Variants in ESS2 observed in about 807,000 individuals in gnomAD.
The protein encoded by ESS2 is splicing factor ESS-2 homolog.
In ESS2, 31 loss-of-function variants were observed where a neutral mutation model predicts 52.0. The ratio of observed to expected loss-of-function variants is 0.60; its 90% CI spans 0.45 to 0.81. The LOEUF is 0.81. Among genes scored for constraint, ESS2 ranks in the 30% least tolerant of loss-of-function variants. The pLI, the probability that ESS2 is intolerant of heterozygous loss-of-function variation, is 0.00. For synonymous variants in ESS2, 285 were observed against 259.2 expected, an observed-to-expected ratio of 1.10 and a Z score of -0.95; for missense variants, 602 against 637.2, an observed-to-expected ratio of 0.94 and a Z score of 0.59.
intron 9 of ESS2, among the ~76,000 whole-genome samples, chr22:19,134,687 GCCC>G (rs2083550842): frequency 6.6e-6 from 1 of 152,068 alleles, no homozygotes; most frequent in Admixed American, 6.5e-5. Flanking sequence ...CAGCAGCACC[GCCC>G]TTGGCTGTGG....
intron 7 of ESS2, 183 bp from the exon 8 acceptor site, chr22:19,137,615 T>C: frequency 1.6e-6 from 1 of 644,414 alleles, no homozygotes; most frequent in East Asian, 1.4e-4. Context: ...AATGCCAAGC[T>C]CCCAGCAGGC....
intron 3 of ESS2, among the ~76,000 whole-genome samples, chr22:19,140,836 G>A (rs1229681235): frequency 2.0e-5 from 3 of 152,246 alleles, no homozygotes; most frequent in African/African-American, 7.2e-5. Flanking sequence ...AGAGAGATAA[G>A]AAGTGAAACC....
Position 19,131,995 on chromosome 22 carries a change from T to A in ESS2, c.*2201A>T. On this transcript the variant is annotated 3_prime_UTR_variant, in exon 10 of 10. Coordinates refer to ENST00000252137, the MANE Select transcript of ESS2 (RefSeq NM_022719.3). The surrounding 1 kb of genome is among the most constrained non-coding windows in gnomAD (Gnocchi z 5.7). ...CCCTACCAGCCCAAGGTGTATGACA[T>A]CTGGAGCCTGGGCGTGATCCTGTAC... is the stretch of plus-strand genomic sequence containing the variant. The A allele has an allele frequency of 6.2e-7, 1 of 1,614,124 alleles. No homozygotes were observed. The highest frequency in any genetic ancestry group is 1.1e-5 in the South Asian group (1 of 91,084).
rs2083503432 is a variant in ESS2, at chr22:19,131,296, G to A, written c.*2900C>T. The A allele has an allele frequency of 9.7e-7, 1 of 1,025,974 alleles. No individual in the cohort carries two copies. Among genetic ancestry groups the A allele is most frequent in the South Asian group, 1.6e-5 (1 of 63,108 alleles). The allele number at this position is 1,025,974 out of a possible 1,614,324, so 63.6% of individuals were successfully genotyped here. The stretch of plus-strand genomic sequence containing the variant: ...ACCCCTGAGTCGAAGCCCAGCCCAG[G>A]GCAGCCCAGCCAGACGCCTCCGGTA... On this transcript the variant is annotated 3_prime_UTR_variant, in exon 10 of 10. Coordinates refer to ENST00000252137, the MANE Select transcript of ESS2 (RefSeq NM_022719.3). This position sits in a 1 kb window ranked among gnomAD's most constrained non-coding sequence, Gnocchi z 5.7.
Position 19,134,252 on chromosome 22 carries a change from T to A in ESS2, c.1375A>T (p.Ile459Phe), listed in dbSNP as rs1402865145. 1 of 1,558,242 alleles carries A rather than the reference T, an allele frequency of 6.4e-7. No individual in the cohort carries two copies. The highest frequency in any genetic ancestry group is 8.7e-7 in the Non-Finnish European group (1 of 1,149,540). Residue 459 changes from isoleucine to phenylalanine, a missense_variant, in exon 10 of 10, where the codon ATC (isoleucine) becomes TTC (phenylalanine). By Grantham distance (21) the Ile-to-Phe change is conservative. Coordinates refer to ENST00000252137, the MANE Select transcript of ESS2 (RefSeq NM_022719.3). Reference protein sequence around the residue: ...RTPLTQDPASITDNLLQLPAR... With the variant: ...RTPLTQDPASFTDNLLQLPAR... Reference sequence around the variant, plus strand: ...GGGAGCTGCAGCAGGTTGTCCGTGATGGAGGCCGGGTCCTGTGTGAGAGGG... The same window carrying A: ...GGGAGCTGCAGCAGGTTGTCCGTGAAGGAGGCCGGGTCCTGTGTGAGAGGG...
In ESS2 at chr22:19,131,969, C is replaced by T. The variant is rs1569102814; in HGVS notation, c.*2227G>A. 1 of 1,614,204 alleles carries T rather than the reference C, an allele frequency of 6.2e-7. No individual in the cohort carries two copies. The highest frequency in any genetic ancestry group is 1.1e-5 in the South Asian group (1 of 91,088). On this transcript the variant is annotated 3_prime_UTR_variant, in exon 10 of 10. Transcript: ENST00000252137. The surrounding 1 kb of genome is among the most constrained non-coding windows in gnomAD (Gnocchi z 5.7). The stretch of plus-strand genomic sequence containing the variant: ...CAGCCCCCGAGGTGCTGCAGAGCAT[C>T]CCCTACCAGCCCAAGGTGTATGACA...
At position 19,131,902 on chromosome 22, in the gene ESS2, G is replaced by T. The variant is rs377349406; in HGVS notation, c.*2294C>A. 2 of 1,614,036 alleles carry T rather than the reference G, an allele frequency of 1.2e-6. No homozygotes were observed. Among genetic ancestry groups the T allele is most frequent in the Admixed American group, 1.7e-5 (1 of 60,026 alleles). On this transcript the variant is annotated 3_prime_UTR_variant, in exon 10 of 10. Coordinates refer to ENST00000252137, the MANE Select transcript of ESS2 (RefSeq NM_022719.3). This position sits in a 1 kb window ranked among gnomAD's most constrained non-coding sequence, Gnocchi z 5.7. ...CGCTGCCTGCGGGACAGCAATGGGC[G>T]CATCATCCTCAGCAAGACCTTCTGC... is the stretch of plus-strand genomic sequence containing the variant.
Position 19,131,092 on chromosome 22 carries a change from A to G in ESS2, c.*3104T>C. The G allele has an allele frequency of 9.1e-6, 3 of 328,706 alleles. 1 individual carries two copies. The highest frequency in any genetic ancestry group is 1.7e-5 in the Non-Finnish European group (3 of 177,240). The allele number at this position is 328,706 out of a possible 1,614,324, so 20.4% of individuals were successfully genotyped here. ...CCAATGCAGCAGCAGCAGGGCCACC[A>G]GAGTCCTGTCCTGGGGACAGGCTTC... On this transcript the variant is annotated 3_prime_UTR_variant, in exon 10 of 10. Transcript: ENST00000252137. This position sits in a 1 kb window ranked among gnomAD's most constrained non-coding sequence, Gnocchi z 5.7.
chr22:19,134,176 AG>A lies in ESS2; in HGVS notation c.*19del. On this transcript the variant is annotated 3_prime_UTR_variant, in exon 10 of 10. Transcript: ENST00000252137. ...CTGCAGGCTCTGTGAAGCGTCTATG[AG>A]CCCAGCCCAGGCCTGGCTCTAAAAG... The A allele has an allele frequency of 2.0e-6, 3 of 1,490,966 alleles. No homozygotes were observed. Among genetic ancestry groups the A allele is most frequent in the Non-Finnish European group, 2.7e-6 (3 of 1,120,112 alleles). The allele number at this position is 1,490,966 out of a possible 1,614,324, so 92.4% of individuals were successfully genotyped here.
chr22:19,138,079 G>A (rs565445493), intron 7 of ESS2, 136 bp downstream of exon 7: 6 of 1,495,916 alleles, frequency 4.0e-6, no homozygotes, highest in Non-Finnish European at 5.3e-6. Context: ...GTACAGACAG[G>A]AGACCAGGTC....
Position 19,131,666 on chromosome 22 carries a change from CA to C in ESS2, c.*2529del. On this transcript the variant is annotated 3_prime_UTR_variant, in exon 10 of 10. Coordinates refer to ENST00000252137, the MANE Select transcript of ESS2 (RefSeq NM_022719.3). The surrounding 1 kb of genome is among the most constrained non-coding windows in gnomAD (Gnocchi z 5.7). ...CCTCTGACGGACGGATCTACATCAT[CA>C]TGGAGCTTGGCGTCCAGGGCGACCT... 6.2e-7 allele frequency: 1 copy of C among 1,614,166 alleles called. No individual in the cohort carries two copies. The highest frequency in any genetic ancestry group is 8.5e-7 in the Non-Finnish European group (1 of 1,180,032).
intron 7 of ESS2, 69 bp downstream of exon 7, chr22:19,138,146 G>A (rs1159758849): frequency 8.8e-5 from 141 of 1,602,454 alleles, no homozygotes; most frequent in East Asian, 1.1e-4. Context: ...GGCCAGGGCC[G>A]ACTGAGAAGC....
rs1254371661 is a variant in ESS2 at position 19,131,713 on chromosome 22, A to C, written c.*2483T>G. ...GACCTCCTCGAGTTCATCAAGTGCC[A>C]GGGAGCCCTGCATGAGGACGTGGCA... On this transcript the variant is annotated 3_prime_UTR_variant, in exon 10 of 10. Coordinates refer to ENST00000252137, the MANE Select transcript of ESS2 (RefSeq NM_022719.3). This position sits in a 1 kb window ranked among gnomAD's most constrained non-coding sequence, Gnocchi z 5.7. The C allele has an allele frequency of 1.9e-6, 3 of 1,614,062 alleles. No homozygotes were observed. Among genetic ancestry groups the C allele is most frequent in the Non-Finnish European group, 8.5e-7 (1 of 1,179,984 alleles).
In ESS2 at chr22:19,131,405, C is replaced by T. The variant is rs56105649; in HGVS notation, c.*2791G>A. Reference sequence around the variant, plus strand: ...CGCCAGTCGCTCCTGGCACCATGGACGATGCCACAGTCCTAAGGAAGAAGG... The same window carrying T: ...CGCCAGTCGCTCCTGGCACCATGGATGATGCCACAGTCCTAAGGAAGAAGG... On this transcript the variant is annotated 3_prime_UTR_variant, in exon 10 of 10. Transcript: ENST00000252137. The surrounding 1 kb of genome is among the most constrained non-coding windows in gnomAD (Gnocchi z 5.7). 482 of 1,596,016 alleles carry T rather than the reference C, an allele frequency of 3.0e-4. 1 individual carries two copies. Among genetic ancestry groups the T allele is most frequent in the Admixed American group, 6.1e-4 (36 of 58,614 alleles).
In ESS2 at chr22:19,139,728, C is replaced by T. The variant is rs1221159241; in HGVS notation, c.572G>A (p.Arg191Lys). The T allele has an allele frequency of 8.7e-6, 14 of 1,614,098 alleles. No individual in the cohort carries two copies. The highest frequency in any genetic ancestry group is 1.1e-5 in the Non-Finnish European group (13 of 1,180,038). ...LYQAEEEFEK[R>K]QKDNLELPSA... ...CGGGAGTTCGAGATTATCTTTCTGCCTCTGCAATCACATGGGGAAAAGTGA... is the reference window on the plus strand; with the variant it reads ...CGGGAGTTCGAGATTATCTTTCTGCTTCTGCAATCACATGGGGAAAAGTGA... Residue 191 changes from arginine (R) to lysine (K), a missense_variant and splice_region_variant, in exon 5 of 10, where the codon AGG (arginine) becomes AAG (lysine). Arg to Lys is a conservative substitution (Grantham distance 26, BLOSUM62 2). Coordinates refer to ENST00000252137, the MANE Select transcript of ESS2 (RefSeq NM_022719.3).
chr22:19,142,248 G>C (rs1460140511), intron 3 of ESS2, among the ~76,000 whole-genome samples: 1 of 152,184 alleles, frequency 6.6e-6, no homozygotes, highest in Non-Finnish European at 1.5e-5. Flanking sequence ...GTAACAAAAG[G>C]GGCCTTCCAA....
Position 19,135,054 on chromosome 22 carries a change from C to T in ESS2, c.1151+6G>A, listed in dbSNP as rs768708178. The stretch of plus-strand genomic sequence containing the variant: ...GCACTTCCCCACCAGCCAGGCGGCC[C>T]CTCACCTGGCCAGATTCTCCGTCAC... On this transcript the variant is annotated splice_donor_region_variant and intron_variant, in intron 9 of 9. Transcript: ENST00000252137. The T allele has an allele frequency of 3.7e-6, 6 of 1,612,158 alleles. No individual in the cohort carries two copies. In the East Asian group the frequency reaches 6.7e-5, roughly 18 times the overall value.
rs770995040 is a variant in ESS2 at position 19,138,471 on chromosome 22, G to A, written c.823-154C>T. On this transcript the variant is annotated intron_variant, in intron 6 of 9. Transcript: ENST00000252137. ...TGGCAGCCTTCTTGGAGAAAGAGAG[G>A]GAGGGCCCCTGCCCCAACCCCCCAA... The A allele has an allele frequency of 1.8e-5, 14 of 787,832 alleles. No individual in the cohort carries two copies. The East Asian group carries it at 2.1e-4, about 12-fold the overall frequency. The allele number at this position is 787,832 out of a possible 1,614,324, so 48.8% of individuals were successfully genotyped here.
chr22:19,137,416 C>T lies in ESS2; in HGVS notation c.942G>A (p.Pro314=), dbSNP rs778741540. The change falls in exon 8 of 10, where the codon CCG becomes CCA. Residue 314 remains proline (P), a synonymous_variant. Coordinates refer to ENST00000252137, the MANE Select transcript of ESS2 (RefSeq NM_022719.3). ...PSPAPGVNES[P]MMTWGEVENT... is the part of the protein sequence containing the mutation. ...TCTCAACCTCCCCCCAGGTCATCATCGGGGACTCGTTCACACCTGCAGACA... is the reference window on the plus strand; with the variant it reads ...TCTCAACCTCCCCCCAGGTCATCATTGGGGACTCGTTCACACCTGCAGACA... 51 of 1,613,282 alleles carry T rather than the reference C, an allele frequency of 3.2e-5. No homozygotes were observed. Among genetic ancestry groups the T allele is most frequent in the Non-Finnish European group, 3.6e-5 (43 of 1,179,580 alleles).
Sources: gnomAD v4.1 joint callset for allele counts (sites outside exome capture counted in the v4.1 genomes callset) on GRCh38, gnomAD v4.1.1 for gene constraint, Gnocchi (gnomAD v3.1) non-coding constraint, MANE v1.5 for transcripts, NCBI Gene and HGNC (gene_info 2026-07-23, HGNC 2026-07-21) for gene names.